The following CTBP2 variants were observed in gnomAD, a reference collection of about 807,000 sequenced individuals.
CTBP2 encodes the protein C-terminal binding protein 2, also known as C-terminal-binding protein 2.
In CTBP2, 30 loss-of-function variants were observed where a neutral mutation model predicts 80.3. The ratio of observed to expected loss-of-function variants is 0.37; its 90% confidence interval spans 0.28 to 0.51. The LOEUF (loss-of-function observed/expected upper bound fraction) is 0.51, where lower values mean the gene tolerates loss of function less well. Among genes scored for constraint, CTBP2 ranks in the 20% least tolerant of loss-of-function variants. The pLI, the probability that CTBP2 is intolerant of heterozygous loss-of-function variation, is 0.93. For missense variants in CTBP2, 1,212 were observed against 1,375.3 expected (o/e 0.88, Z 1.88); for synonymous variants, 594 against 587.4 (o/e 1.01, Z -0.16).
intron 1 of CTBP2, among the ~76,000 whole-genome samples, chr10:125,153,633 C>T (rs533974536): frequency 5.3e-5 from 8 of 152,322 alleles, no homozygotes; most frequent in East Asian, 1.9e-4. Flanking sequence ...AGGTACAATA[C>T]TATCACTTCC....
chr10:125,152,083 G>A, intron 1 of CTBP2, among the ~76,000 whole-genome samples: 1 of 152,250 alleles, frequency 6.6e-6, no homozygotes, highest in South Asian at 2.1e-4. Flanking sequence ...GTGCCCTGCG[G>A]GGGGAAGAGG....
intron 1 of CTBP2, among the ~76,000 whole-genome samples, chr10:125,118,006 A>T (rs1471017150): frequency 6.6e-6 from 1 of 152,234 alleles, no homozygotes; most frequent in African/African-American, 2.4e-5. Context: ...TATTAAATAT[A>T]TTCAGCTGGT....
intron 4 of CTBP2, chr10:124,996,830 ACAC>A (rs1350438672): frequency 1.3e-5 from 2 of 152,198 alleles, no homozygotes; most frequent in African/African-American, 2.4e-5. Context: ...TGGTGTTCAC[ACAC>A]CACATCTGTT....
intron 1 of CTBP2, among the ~76,000 whole-genome samples, chr10:125,116,248 G>A (rs1853258031): frequency 6.6e-6 from 1 of 152,170 alleles, no homozygotes; most frequent in Non-Finnish European, 1.5e-5. Flanking sequence ...CTGTACCCAC[G>A]CCTCACGTAG....
At chr10:125,140,307 G>A (rs1373482955) in intron 1 of CTBP2, among the ~76,000 whole-genome samples, 1 of 151,944 alleles carries the variant, frequency 6.6e-6, no homozygotes, top group Non-Finnish European at 1.5e-5. Context: ...ACGCATACAA[G>A]ATGCACCGAG....
intron 1 of CTBP2, among the ~76,000 whole-genome samples, chr10:125,008,094 G>A (rs1271033043): frequency 6.6e-6 from 1 of 152,164 alleles, no homozygotes; most frequent in African/African-American, 2.4e-5. Context: ...CTACAGGCAT[G>A]TGCCACCATG....
rs1174799541 is a variant in CTBP2, at chr10:125,066,476, G to A, written c.-101-27321C>T. Among the ~76,000 whole-genome samples the A allele has an allele frequency of 5.3e-5, 8 of 152,182 alleles. No individual in the cohort carries two copies. The highest frequency in any genetic ancestry group is 1.0e-4 in the Non-Finnish European group (7 of 68,034). On this transcript the variant is annotated intron_variant, in intron 2 of 10. Transcript: ENST00000337195. This position sits in a 1 kb window ranked among gnomAD's most constrained non-coding sequence, Gnocchi z 4.1. ...CAGATGTAACGGGGGAAGCAGGCAC[G>A]GCCAAGCACCCTAGAAAGTGCTGTC... is the stretch of plus-strand genomic sequence containing the variant.
At chr10:125,064,340 G>C (rs1477876405) in intron 2 of CTBP2, among the ~76,000 whole-genome samples, 1 of 152,062 alleles carries the variant, frequency 6.6e-6, no homozygotes, top group African/African-American at 2.4e-5. Flanking sequence ...GTTACCTTCC[G>C]GTTTCCATAA....
At chr10:125,060,199 T>C (rs1964689497) in intron 2 of CTBP2, among the ~76,000 whole-genome samples, 1 of 151,960 alleles carries the variant, frequency 6.6e-6, no homozygotes, top group Admixed American at 6.6e-5. Context: ...TAAGGCACCG[T>C]GTGCTATTTT....
chr10:125,019,070 G>A (rs1391980568), intron 1 of CTBP2, among the ~76,000 whole-genome samples: 1 of 152,240 alleles, frequency 6.6e-6, no homozygotes, highest in Non-Finnish European at 1.5e-5. Flanking sequence ...GCTGAAAGCT[G>A]CTGTTGGGCT....
chr10:125,095,726 AG>A lies in CTBP2; in HGVS notation c.-102+15263del, dbSNP rs1382719053. Among the ~76,000 whole-genome samples, 6 of 152,310 alleles carry A rather than the reference AG, an allele frequency of 3.9e-5. No homozygotes were observed. In the East Asian group the frequency reaches 1.2e-3, roughly 29 times the overall value. On this transcript the variant is annotated intron_variant, in intron 2 of 10. Transcript: ENST00000337195. ...CCTGACCTCAAAACTAGGTGTGTAC[AG>A]GGACAGGGCCTGGGGATTCAGGCTG...
At chr10:125,091,408 G>A (rs765891865) in intron 2 of CTBP2, among the ~76,000 whole-genome samples, 1 of 152,200 alleles carries the variant, frequency 6.6e-6, no homozygotes, top group Non-Finnish European at 1.5e-5. Context: ...GCATTGCACT[G>A]TTCCCCTCTT....
At chr10:125,151,167 C>A (rs1859783496) in intron 1 of CTBP2, among the ~76,000 whole-genome samples, 1 of 152,062 alleles carries the variant, frequency 6.6e-6, no homozygotes, top group African/African-American at 2.4e-5. Context: ...TTCTGGAGCA[C>A]CAAATTAAGT....
intron 2 of CTBP2, among the ~76,000 whole-genome samples, chr10:125,057,463 C>T (rs1422786776): frequency 6.6e-6 from 1 of 152,226 alleles, no homozygotes; most frequent in Admixed American, 6.5e-5. Flanking sequence ...GGGCCCCTGA[C>T]TGGCAATTAG....
chr10:124,987,383 T>C lies in CTBP2; in HGVS notation c.*2135A>G, dbSNP rs1349660460. ...AAATTTATATATATATATATAAATT[T>C]TTGTTTGGGCGACCAAGATCTAATA... On this transcript the variant is annotated 3_prime_UTR_variant, in exon 9 of 9. Coordinates refer to ENST00000309035, the MANE Select transcript of CTBP2 (RefSeq NM_022802.3). 6.6e-6 allele frequency: 1 copy of C among 151,886 alleles called. No homozygotes were observed. Among genetic ancestry groups the C allele is most frequent in the Non-Finnish European group, 1.5e-5 (1 of 68,008 alleles). The allele number at this position is 151,886 out of a possible 1,614,324, so 9.4% of individuals were successfully genotyped here. A position where few individuals can be genotyped will look rare whatever the true frequency, so the allele number is the denominator to read the frequency against.
rs369958833 is a variant in CTBP2, at chr10:125,080,661, T to C, written c.-102+30329A>G. Among the ~76,000 whole-genome samples, 72 of 152,314 alleles carry C rather than the reference T, an allele frequency of 4.7e-4. No homozygotes were observed. The South Asian group carries it at 0.015, about 31-fold the overall frequency. The stretch of plus-strand genomic sequence containing the variant: ...GAAAAATAGTCACGCAAGAAATCCA[T>C]GCATACAGCAGCTGAAGTCATCAAT... On this transcript the variant is annotated intron_variant, in intron 2 of 10. Coordinates refer to the CTBP2 transcript ENST00000337195.
chr10:125,024,621 C>A lies in CTBP2; in HGVS notation c.1678+1461G>T, dbSNP rs1038964123. On this transcript the variant is annotated intron_variant, in intron 1 of 8. Coordinates refer to ENST00000309035, the MANE Select transcript of CTBP2 (RefSeq NM_022802.3). ...GGAGATAATCTTTCTGTGATTATGACCAAACCCTCCTGTCACTTAGCAACA... is the reference window on the plus strand; with the variant it reads ...GGAGATAATCTTTCTGTGATTATGAACAAACCCTCCTGTCACTTAGCAACA... 2.6e-5 allele frequency among the ~76,000 whole-genome samples: 4 copies of A among 152,324 alleles called. No individual in the cohort carries two copies. In the East Asian group the frequency reaches 7.7e-4, roughly 29 times the overall value.
At chr10:125,094,516 C>T (rs974621912) in intron 2 of CTBP2, among the ~76,000 whole-genome samples, 3 of 152,218 alleles carry the variant, frequency 2.0e-5, no homozygotes, top group South Asian at 4.1e-4. Flanking sequence ...GGGTGGTTTC[C>T]GTGCCAAGCA....
At position 125,066,655 on chromosome 10, in the gene CTBP2, C is replaced by T. The variant is rs1373903559; in HGVS notation, c.-101-27500G>A. On this transcript the variant is annotated intron_variant, in intron 2 of 10. Transcript: ENST00000337195. This position sits in a 1 kb window ranked among gnomAD's most constrained non-coding sequence, Gnocchi z 4.1. Reference sequence around the variant, plus strand: ...GAAGCCAGGGAGCACAGTGCACCAACCTTCAGTGTAATCTCCAGTCCTGCC... The same window carrying T: ...GAAGCCAGGGAGCACAGTGCACCAATCTTCAGTGTAATCTCCAGTCCTGCC... Among the ~76,000 whole-genome samples the T allele has an allele frequency of 6.6e-6, 1 of 152,178 alleles. No individual in the cohort carries two copies. Among genetic ancestry groups the T allele is most frequent in the Non-Finnish European group, 1.5e-5 (1 of 68,038 alleles).
Sources: allele counts gnomAD v4.1 joint callset (sites outside exome capture counted in the v4.1 genomes callset), GRCh38; gene constraint gnomAD v4.1.1; non-coding constraint Gnocchi (gnomAD v3.1); transcripts MANE v1.5; gene names NCBI Gene and HGNC (gene_info 2026-07-23, HGNC 2026-07-21).